The following ABCA9 variants were observed in gnomAD, a reference collection of about 807,000 sequenced individuals.
The protein encoded by ABCA9 is ATP binding cassette subfamily A member 9.
Under a neutral mutation model 205.3 loss-of-function variants are expected in ABCA9, and 183 were observed. The ratio of observed to expected loss-of-function variants is 0.89; its 90% CI spans 0.79 to 1.01. ABCA9 has a LOEUF of 1.01. Ranked by LOEUF, ABCA9 falls within the 50% of genes least tolerant of loss-of-function variation. The pLI is 0.00. For missense variants in ABCA9, 1,805 were observed against 1,912.4 expected, an observed-to-expected ratio of 0.94 and a Z score of 1.05; for synonymous variants, 651 against 683.3, an observed-to-expected ratio of 0.95 and a Z score of 0.74.
intron 1 of ABCA9, among the ~76,000 whole-genome samples, chr17:69,052,054 G>A (rs970931722): frequency 1.7e-4 from 26 of 152,074 alleles, no homozygotes; most frequent in African/African-American, 6.0e-4. Context: ...ACTTTTACCC[G>A]GGACATCATG....
Position 68,975,788 on chromosome 17 carries a change from G to A in ABCA9, c.*127C>T, listed in dbSNP as rs1403882613. Reference sequence around the variant, plus strand: ...TTGTCTCACTGTAAGAAATACTACTGAGGATAATTATTGCATGAGTTTCAA... The same window carrying A: ...TTGTCTCACTGTAAGAAATACTACTAAGGATAATTATTGCATGAGTTTCAA... On this transcript the variant is annotated 3_prime_UTR_variant, in exon 39 of 39. Transcript: ENST00000340001. The A allele has an allele frequency of 2.7e-6, 2 of 740,216 alleles. No individual in the cohort carries two copies. The highest frequency in any genetic ancestry group is 4.5e-6 in the Non-Finnish European group (2 of 444,546). 45.9% of individuals were successfully genotyped at this position (740,216 alleles called of 1,614,324 possible).
rs138142574 is a variant in ABCA9 at position 69,056,095 on chromosome 17, A to T, written c.-14+4771T>A. On this transcript the variant is annotated intron_variant, in intron 1 of 38. Coordinates refer to ENST00000340001, the MANE Select transcript of ABCA9 (RefSeq NM_080283.4). The stretch of plus-strand genomic sequence containing the variant: ...TCTAAAGCAAACAATCTAAGCTTAC[A>T]CCTTAGGAAATTAGAAAAAGAAAAG... Among the ~76,000 whole-genome samples the T allele has an allele frequency of 7.7e-3, 1,177 of 152,304 alleles. 16 individuals are homozygous for T. The highest frequency in any genetic ancestry group is 0.026 in the African/African-American group (1,088 of 41,578).
the ABCA9 span, among the ~76,000 whole-genome samples, chr17:69,070,776 G>A: frequency 6.6e-6 from 1 of 152,146 alleles, no homozygotes; most frequent in Non-Finnish European, 1.5e-5. Context: ...CTGAAGCCAG[G>A]AAGCCAAGTG....
intron 6 of ABCA9, among the ~76,000 whole-genome samples, chr17:69,037,605 A>T (rs1459967136): frequency 6.6e-6 from 1 of 152,210 alleles, no homozygotes; most frequent in Non-Finnish European, 1.5e-5. Flanking sequence ...TGCCCACAGG[A>T]GAAAACGGGA....
chr17:69,040,202 C>T (rs1464776147), intron 6 of ABCA9, among the ~76,000 whole-genome samples: 1 of 152,198 alleles, frequency 6.6e-6, no homozygotes, highest in African/African-American at 2.4e-5. Context: ...AATCCCATTA[C>T]TGGGTATATA....
intron 1 of ABCA9, among the ~76,000 whole-genome samples, chr17:69,052,364 G>A (rs1321841189): frequency 6.6e-6 from 1 of 152,070 alleles, no homozygotes; most frequent in African/African-American, 2.4e-5. Context: ...GACAGAGAGA[G>A]ACTCTGTCTC....
chr17:69,057,668 G>A (rs2072109250), intron 1 of ABCA9, among the ~76,000 whole-genome samples: 1 of 152,188 alleles, frequency 6.6e-6, no homozygotes, highest in African/African-American at 2.4e-5. Flanking sequence ...CAGTTTGGTA[G>A]TGCGGGTACA....
At chr17:68,999,704 T>A in intron 25 of ABCA9, among the ~76,000 whole-genome samples, 1 of 152,218 alleles carries the variant, frequency 6.6e-6, no homozygotes, top group African/African-American at 2.4e-5. Flanking sequence ...ATCGCCACAC[T>A]GACTTCCACA....
chr17:69,060,286 A>T (rs1021718891), intron 1 of ABCA9, among the ~76,000 whole-genome samples: 1 of 152,222 alleles, frequency 6.6e-6, no homozygotes, highest in Non-Finnish European at 1.5e-5. Flanking sequence ...TAAAAAGCCA[A>T]TCATTTCCCA....
Position 68,986,243 on chromosome 17 carries a change from G to C in ABCA9, c.4129C>G (p.Leu1377Val). 1 of 1,614,060 alleles carries C rather than the reference G, an allele frequency of 6.2e-7. No homozygotes were observed. The highest frequency in any genetic ancestry group is 2.2e-5 in the East Asian group (1 of 44,864). Residue 1377 changes from leucine (L) to valine (V), a missense_variant, in exon 32 of 39, where the codon CTG becomes GTG. Leu to Val is a conservative substitution (Grantham distance 32). Transcript: ENST00000340001. ...CPQENALWPN[L>V]TVRQHLEVYA... The stretch of plus-strand genomic sequence containing the variant: ...ACCTCCAGGTGCTGCCTCACTGTCA[G>C]GTTGGGCCACAGCGCATTCTCCTGA...
At chr17:69,060,730 G>A (rs767273526) in intron 1 of ABCA9, 136 bp downstream of exon 1, 7 of 557,736 alleles carry the variant, frequency 1.3e-5, no homozygotes, top group Non-Finnish European at 1.6e-5. Flanking sequence ...TAAAATAGAT[G>A]ATTTAAAAAG....
chr17:68,978,024 T>A (rs1397080119), intron 37 of ABCA9, among the ~76,000 whole-genome samples: 2 of 152,236 alleles, frequency 1.3e-5, no homozygotes, highest in Admixed American at 6.5e-5. Flanking sequence ...CTGGATATTC[T>A]TGTTAACTTT....
At position 69,049,385 on chromosome 17, in the gene ABCA9, C is replaced by T; in HGVS notation, c.202G>A (p.Val68Ile). 4 of 1,612,966 alleles carry T rather than the reference C, an allele frequency of 2.5e-6. No homozygotes were observed. The highest frequency in any genetic ancestry group is 1.1e-5 in the South Asian group (1 of 91,050). The stretch of plus-strand genomic sequence containing the variant: ...TAATTAGTATCATTAAAACTATCTA[C>T]ACGTCCCAGATCCATTGAAGACATT... The part of the protein sequence containing the change: ...PQMSSMDLGR[V>I]DSFNDTNYVI... Residue 68 changes from valine (V) to isoleucine (I), a missense_variant, in exon 3 of 39, where the codon GTA becomes ATA. Val to Ile is a conservative substitution (Grantham distance 29, BLOSUM62 3). Coordinates refer to ENST00000340001, the MANE Select transcript of ABCA9 (RefSeq NM_080283.4).
Position 69,029,096 on chromosome 17 carries a change from C to T in ABCA9, c.1504+73G>A, listed in dbSNP as rs369065660. On this transcript the variant is annotated intron_variant, in intron 11 of 38. Transcript: ENST00000340001. ...TATCTGGAATATCTGTGCTTAATCCCTACCAAGAAATTACAACAGTAAGGC... is the reference window on the plus strand; with the variant it reads ...TATCTGGAATATCTGTGCTTAATCCTTACCAAGAAATTACAACAGTAAGGC... The T allele has an allele frequency of 1.4e-5, 12 of 868,202 alleles. No individual in the cohort carries two copies. In the African/African-American group the frequency reaches 1.9e-4, roughly 14 times the overall value. 53.8% of individuals were successfully genotyped at this position (868,202 alleles called of 1,614,324 possible).
intron 25 of ABCA9, among the ~76,000 whole-genome samples, chr17:69,003,117 A>C (rs1019262543): frequency 4.6e-5 from 7 of 151,216 alleles, no homozygotes; most frequent in African/African-American, 1.5e-4. Context: ...GTCCATTTAC[A>C]TTTAAAGTTA....
At chr17:69,000,109 G>A (rs1188076016) in intron 25 of ABCA9, among the ~76,000 whole-genome samples, 2 of 151,312 alleles carry the variant, frequency 1.3e-5, no homozygotes, top group Non-Finnish European at 3.0e-5. Flanking sequence ...TTCTTTTGCT[G>A]TGCAGAAGCT....
Position 69,049,425 on chromosome 17 carries a change from A to T in ABCA9, c.162T>A (p.Val54=). The T allele has an allele frequency of 6.2e-7, 1 of 1,613,142 alleles. No homozygotes were observed. The highest frequency in any genetic ancestry group is 2.2e-5 in the East Asian group (1 of 44,810). Reference sequence around the variant, plus strand: ...TTGAAGACATTTGAGGAGTGTCATGAACTTGATGTAAATTGGAGAAAAATA... The same window carrying T: ...TTGAAGACATTTGAGGAGTGTCATGTACTTGATGTAAATTGGAGAAAAATA... The part of the protein sequence containing the change: ...LYLFFSNLHQ[V]HDTPQMSSMD... Residue 54 remains valine, a synonymous_variant, in exon 3 of 39, where the codon GTT becomes GTA. Transcript: ENST00000340001.
At chr17:68,992,830 G>T in intron 27 of ABCA9, 186 bp downstream of exon 27, 2 of 452,086 alleles carry the variant, frequency 4.4e-6, no homozygotes, top group Non-Finnish European at 7.8e-6. Context: ...AAAAAAGGGG[G>T]GGGGTCCAGG....
In ABCA9 at chr17:69,024,200, T is replaced by G. The variant is rs759432865; in HGVS notation, c.2281+14A>C. 2 of 1,611,126 alleles carry G rather than the reference T, an allele frequency of 1.2e-6. No individual in the cohort carries two copies. Among genetic ancestry groups the G allele is most frequent in the East Asian group, 4.5e-5 (2 of 44,766 alleles). ...CCATTCCAAAACCATTCTGTCATCT[T>G]TACATTTTGTTACCTGGAAATTTGT... On this transcript the variant is annotated intron_variant, in intron 17 of 38. Transcript: ENST00000340001.
Sources: allele counts gnomAD v4.1 joint callset (sites outside exome capture counted in the v4.1 genomes callset), GRCh38; gene constraint gnomAD v4.1.1; transcripts MANE v1.5; gene names NCBI Gene and HGNC (gene_info 2026-07-23, HGNC 2026-07-21).